The following ZNF609 variants were observed in gnomAD, a reference collection of about 807,000 sequenced individuals.
ZNF609 encodes the protein zinc finger protein 609.
A neutral mutation model predicts 109.5 loss-of-function variants in ZNF609; 11 were observed. That is an observed-to-expected ratio of 0.10 (90% CI 0.06 to 0.17). The LOEUF (loss-of-function observed/expected upper bound fraction) is 0.17. Among genes scored for constraint, ZNF609 ranks in the 10% least tolerant of loss-of-function variants. ZNF609 has a pLI of 1.00. For missense variants in ZNF609, 1,559 were observed against 1,772.4 expected (o/e 0.88, Z 2.16); for synonymous variants, 646 against 662.0 (o/e 0.98, Z 0.37).
At chr15:64,656,231 T>C (rs1896485490) in intron 3 of ZNF609, among the ~76,000 whole-genome samples, 1 of 152,014 alleles carries the variant, frequency 6.6e-6, no homozygotes. Context: ...ACCCAGCCAA[T>C]TTTTGTATTT....
intron 2 of ZNF609, among the ~76,000 whole-genome samples, chr15:64,578,333 A>G (rs756640392): frequency 4.6e-5 from 7 of 151,934 alleles, no homozygotes; most frequent in Non-Finnish European, 1.0e-4. Context: ...GTTATCTTAT[A>G]GATTTTGGAG....
intron 2 of ZNF609, among the ~76,000 whole-genome samples, chr15:64,564,114 A>G (rs1260320196): frequency 2.0e-5 from 3 of 148,516 alleles, no homozygotes; most frequent in Non-Finnish European, 4.5e-5. Context: ...ACCCTGTCCC[A>G]CCCAGGATGT....
At chr15:64,507,874 C>A (rs1006806649) in intron 2 of ZNF609, among the ~76,000 whole-genome samples, 2 of 152,094 alleles carry the variant, frequency 1.3e-5, no homozygotes, top group African/African-American at 4.8e-5. Context: ...GGTGCCAGAC[C>A]ATATTAATAT....
intron 3 of ZNF609, among the ~76,000 whole-genome samples, chr15:64,669,977 T>G (rs890506042): frequency 6.6e-6 from 1 of 151,984 alleles, no homozygotes; most frequent in African/African-American, 2.4e-5. Context: ...CAAAAAAAAA[T>G]TTTTTTAATT....
intron 2 of ZNF609, among the ~76,000 whole-genome samples, chr15:64,509,827 C>T (rs774037215): frequency 1.3e-5 from 2 of 152,322 alleles, no homozygotes; most frequent in East Asian, 1.9e-4. Context: ...CAGGAAGTTT[C>T]TTTCCTCTCT....
At position 64,653,723 on chromosome 15, in the gene ZNF609, A is replaced by C. The variant is rs1040134325; in HGVS notation, c.974-16623A>C. 2.0e-5 allele frequency among the ~76,000 whole-genome samples: 3 copies of C among 152,172 alleles called. No individual in the cohort carries two copies. In the South Asian group the frequency reaches 6.2e-4, roughly 31 times the overall value. On this transcript the variant is annotated intron_variant, in intron 3 of 9. Coordinates refer to ENST00000326648, the MANE Select transcript of ZNF609 (RefSeq NM_015042.2). ...ATTCAACCCCACTCCCCCAACCCCT[A>C]AACAAACACACAAGTAGAATATAGC...
At chr15:64,660,594 A>G (rs1238690117) in intron 3 of ZNF609, among the ~76,000 whole-genome samples, 1 of 152,186 alleles carries the variant, frequency 6.6e-6, no homozygotes, top group Non-Finnish European at 1.5e-5. Context: ...AAGCCTGCCA[A>G]TCCCCAGTCT....
chr15:64,557,348 ACTC>A (rs1417835985), intron 2 of ZNF609, among the ~76,000 whole-genome samples: 2 of 151,490 alleles, frequency 1.3e-5, no homozygotes, highest in African/African-American at 2.4e-5. Context: ...TTACTCTTCT[ACTC>A]CTTCTTCTGC....
chr15:64,600,527 C>T (rs941407318), intron 2 of ZNF609, among the ~76,000 whole-genome samples: 14 of 150,728 alleles, frequency 9.3e-5, no homozygotes, highest in Non-Finnish European at 1.3e-4. Flanking sequence ...GTCCCAGCTC[C>T]TCGAAGGCTG....
chr15:64,485,384 T>C (rs1341548741), intron 1 of ZNF609, among the ~76,000 whole-genome samples: 1 of 152,212 alleles, frequency 6.6e-6, no homozygotes, highest in Non-Finnish European at 1.5e-5. Context: ...CTCTTATAAA[T>C]AGTAAATAAA....
At chr15:64,558,288 C>T (rs1289666064) in intron 2 of ZNF609, among the ~76,000 whole-genome samples, 1 of 88,466 alleles carries the variant, frequency 1.1e-5, no homozygotes, top group Non-Finnish European at 3.2e-5. Flanking sequence ...ACCCCCACCT[C>T]CTACCTGGGT....
intron 2 of ZNF609, among the ~76,000 whole-genome samples, chr15:64,576,971 AATAT>A (rs71133446): frequency 2.3e-5 from 3 of 131,554 alleles, no homozygotes; most frequent in Admixed American, 7.7e-5. Context: ...TATACACATA[AATAT>A]ATATATGTAT....
chr15:64,604,521 G>A (rs1895562332), intron 2 of ZNF609, among the ~76,000 whole-genome samples: 1 of 152,104 alleles, frequency 6.6e-6, no homozygotes, highest in African/African-American at 2.4e-5. Context: ...GGATAGAGGT[G>A]GTATACCACA....
intron 2 of ZNF609, among the ~76,000 whole-genome samples, chr15:64,582,555 C>G (rs755390806): frequency 6.6e-6 from 1 of 151,994 alleles, no homozygotes. Flanking sequence ...AATTTCTCAC[C>G]GACAAAAACT....
intron 2 of ZNF609, among the ~76,000 whole-genome samples, chr15:64,506,609 A>G (rs1481746111): frequency 6.6e-6 from 1 of 151,658 alleles, no homozygotes; most frequent in East Asian, 2.0e-4. Flanking sequence ...AGTCCCAGCT[A>G]CTCAGGATGC....
intron 2 of ZNF609, among the ~76,000 whole-genome samples, chr15:64,513,081 G>GT (rs1474878949): frequency 6.6e-6 from 1 of 151,916 alleles, no homozygotes; most frequent in Non-Finnish European, 1.5e-5. Context: ...TTTAGTACTG[G>GT]TACATGCATT....
At position 64,680,223 on chromosome 15, in the gene ZNF609, G is replaced by A; in HGVS notation, c.3808G>A (p.Gly1270Ser). Residue 1270 changes from glycine (G) to serine (S), a missense_variant, in exon 7 of 10, where the codon GGC becomes AGC. Physicochemically the swap from Gly to Ser is moderately conservative, Grantham distance 56 (BLOSUM62 0). Around this residue, in one of 4 missense-constraint regions of ZNF609, gnomAD observed 1,204 missense variants for 1,314.1 expected, o/e 0.92. Transcript: ENST00000326648. ...LPSSYSFSPY[G>S]SKVSGGEDAD... is the part of the protein sequence containing the mutation. ...TTCCAGCTACTCTTTTTCCCCATATGGCAGCAAGGTCTCAGGTGGTGAAGA... is the reference window on the plus strand; with the variant it reads ...TTCCAGCTACTCTTTTTCCCCATATAGCAGCAAGGTCTCAGGTGGTGAAGA... The A allele has an allele frequency of 6.2e-7, 1 of 1,614,082 alleles. No homozygotes were observed. Among genetic ancestry groups the A allele is most frequent in the Non-Finnish European group, 8.5e-7 (1 of 1,180,020 alleles).
Position 64,466,079 on chromosome 15 carries a change from G to A in ZNF609, c.-128+5241G>A, listed in dbSNP as rs555718662. 2.5e-4 allele frequency among the ~76,000 whole-genome samples: 31 copies of A among 122,594 alleles called. No individual in the cohort carries two copies. The East Asian group carries it at 6.8e-3, about 27-fold the overall frequency. The allele number at this position is 122,594 out of a possible 152,430, so 80.4% of individuals were successfully genotyped here. A position where few individuals can be genotyped will look rare whatever the true frequency, so the allele number is the denominator to read the frequency against. On this transcript the variant is annotated intron_variant, in intron 1 of 9. Coordinates refer to ENST00000326648, the MANE Select transcript of ZNF609 (RefSeq NM_015042.2). The stretch of plus-strand genomic sequence containing the variant: ...TGCAGTGAGCTGAGATTGCGCCATC[G>A]CACTCCAGCCTGGTCAACAAGAATG...
At chr15:64,601,336 A>T (rs189708700) in intron 2 of ZNF609, among the ~76,000 whole-genome samples, 2 of 152,190 alleles carry the variant, frequency 1.3e-5, no homozygotes, top group Admixed American at 1.3e-4. Flanking sequence ...TCTATTCCTA[A>T]CAGCCAGGTA....
Sources: gnomAD v4.1 joint callset for allele counts (sites outside exome capture counted in the v4.1 genomes callset) on GRCh38, gnomAD v4.1.1 for gene constraint, gnomAD v4.1.1 regional missense constraint, MANE v1.5 for transcripts, NCBI Gene and HGNC (gene_info 2026-07-23, HGNC 2026-07-21) for gene names.